TFDP2: variants seen among roughly 807,000 people sequenced by gnomAD.
TFDP2 encodes the protein transcription factor Dp-2.
Under a neutral mutation model 59.3 loss-of-function variants are expected in TFDP2, and 17 were observed. The observed-to-expected ratio is 0.29, with a 90% CI of 0.20 to 0.43. The LOEUF (loss-of-function observed/expected upper bound fraction) is 0.43. TFDP2 is among the 20% of genes least tolerant of loss of function. The pLI, the probability that TFDP2 is intolerant of heterozygous loss-of-function variation, is 1.00. For missense variants in TFDP2, 391 were observed against 528.8 expected, an observed-to-expected ratio of 0.74 and a Z score of 2.56; for synonymous variants, 180 against 194.7, an observed-to-expected ratio of 0.92 and a Z score of 0.63.
rs1486686235 is a variant in TFDP2, at chr3:142,093,068, T to C, written c.75A>G (p.Pro25=). 4 of 1,535,208 alleles carry C rather than the reference T, an allele frequency of 2.6e-6. No homozygotes were observed. The highest frequency in any genetic ancestry group is 3.9e-5 in the Admixed American group (2 of 50,852). Residue 25 remains proline, a synonymous_variant, in exon 3 of 13, where the codon CCA becomes CCG. Transcript: ENST00000489671. ...TTATTCAATAATCCTTACCTTTTGT[T>C]GGACTGAGATTCTGATCTATAAATC... ...VRGFIDQNLS[P]TKGNISFVAF...
chr3:142,098,076 C>A (rs930429575), intron 2 of TFDP2, among the ~76,000 whole-genome samples: 11 of 152,118 alleles, frequency 7.2e-5, no homozygotes, highest in Non-Finnish European at 1.6e-4. Flanking sequence ...CAGGCGTGAG[C>A]CATCGCGCTG....
At chr3:142,099,699 C>CAAA (rs766026708) in intron 2 of TFDP2, among the ~76,000 whole-genome samples, 3 of 124,660 alleles carry the variant, frequency 2.4e-5, no homozygotes, top group Non-Finnish European at 3.4e-5. Flanking sequence ...GACTCCATTT[C>CAAA]AAAAAAAAAA....
intron 3 of TFDP2, among the ~76,000 whole-genome samples, chr3:142,090,412 T>G (rs1177632509): frequency 6.6e-6 from 1 of 152,238 alleles, no homozygotes; most frequent in Non-Finnish European, 1.5e-5. Context: ...TAAACTTTAC[T>G]GGTGTTAACA....
At chr3:141,992,317 G>C (rs897841371) in intron 6 of TFDP2, among the ~76,000 whole-genome samples, 2 of 151,958 alleles carry the variant, frequency 1.3e-5, no homozygotes, top group African/African-American at 4.8e-5. Context: ...TGTAGAAAGA[G>C]AAAGTTGAAC....
chr3:141,974,247 A>G, intron 7 of TFDP2, 56 bp from the exon 8 acceptor site: 6 of 1,410,056 alleles, frequency 4.3e-6, no homozygotes, highest in Non-Finnish European at 4.7e-6. Flanking sequence ...ATACAGTCAC[A>G]TGATATGAAT....
In TFDP2 at chr3:142,110,835, C is replaced by G. The variant is rs146607935; in HGVS notation, c.-92-8994G>C. Among the ~76,000 whole-genome samples the G allele has an allele frequency of 8.8e-4, 134 of 152,060 alleles. 1 individual carries two copies. Among genetic ancestry groups the G allele is most frequent in the African/African-American group, 3.1e-3 (130 of 41,490 alleles). On this transcript the variant is annotated intron_variant, in intron 1 of 12. Coordinates refer to ENST00000489671, the MANE Select transcript of TFDP2 (RefSeq NM_001178139.2). ...AGGCATGGTGGCACACACCTGTGGT[C>G]CCAGCTAATCTGGAGGCTGAGGCAG...
chr3:141,962,223 C>A (rs1348680565), intron 10 of TFDP2, among the ~76,000 whole-genome samples: 5 of 151,814 alleles, frequency 3.3e-5, no homozygotes, highest in African/African-American at 1.2e-4. Flanking sequence ...GGATTACAGG[C>A]ATGAGCCAAC....
intron 3 of TFDP2, among the ~76,000 whole-genome samples, chr3:142,058,779 C>G (rs73232654): frequency 0.084 from 12,825 of 152,138 alleles, 681 homozygotes; most frequent in Middle Eastern, 0.14. Context: ...TCCACCAACC[C>G]AGAAGCTCTC....
chr3:142,119,638 A>G (rs1462730497), intron 1 of TFDP2, among the ~76,000 whole-genome samples: 1 of 152,192 alleles, frequency 6.6e-6, no homozygotes. Context: ...GCTACTTGGG[A>G]GGCTGAGATG....
chr3:141,952,450 CAA>C lies in TFDP2; in HGVS notation c.*61_*62del. The stretch of plus-strand genomic sequence containing the variant: ...AAGACTGAAGCAATCATTTCAAAAA[CAA>C]GAGCTCACACTACAAACACACATGA... On this transcript the variant is annotated 3_prime_UTR_variant, in exon 13 of 13. Transcript: ENST00000489671. 1 of 1,430,384 alleles carries C rather than the reference CAA, an allele frequency of 7.0e-7. No individual in the cohort carries two copies. Among genetic ancestry groups the C allele is most frequent in the Non-Finnish European group, 9.2e-7 (1 of 1,084,460 alleles). The allele number at this position is 1,430,384 out of a possible 1,614,324, so 88.6% of individuals were successfully genotyped here. A position where few individuals can be genotyped will look rare whatever the true frequency, so the allele number is the denominator to read the frequency against.
chr3:142,136,188 G>A (rs2062730134), intron 1 of TFDP2, among the ~76,000 whole-genome samples: 1 of 152,102 alleles, frequency 6.6e-6, no homozygotes, highest in Non-Finnish European at 1.5e-5. Flanking sequence ...TCTGCTGGCT[G>A]CATAGATGTC....
chr3:141,971,113 C>T (rs1340499961), intron 8 of TFDP2, among the ~76,000 whole-genome samples: 1 of 151,412 alleles, frequency 6.6e-6, no homozygotes, highest in African/African-American at 2.4e-5. Flanking sequence ...CAGCTTCAAA[C>T]TACTGCTTTT....
intron 3 of TFDP2, among the ~76,000 whole-genome samples, chr3:142,091,683 G>A (rs9714094): frequency 6.6e-6 from 1 of 152,186 alleles, no homozygotes; most frequent in Non-Finnish European, 1.5e-5. Flanking sequence ...CAGTTTCGTG[G>A]AAGACAATTT....
chr3:142,025,967 A>C (rs1167879414), intron 3 of TFDP2, among the ~76,000 whole-genome samples: 1 of 152,204 alleles, frequency 6.6e-6, no homozygotes, highest in African/African-American at 2.4e-5. Context: ...TCCATCTCAA[A>C]AAACAAACAA....
At chr3:142,002,315 GTGT>G (rs1553772329) in intron 4 of TFDP2, among the ~76,000 whole-genome samples, 1 of 108,316 alleles carries the variant, frequency 9.2e-6, no homozygotes, top group Non-Finnish European at 1.9e-5. Flanking sequence ...TTTATTTTTA[GTGT>G]TTTTTTTTTT....
Position 141,986,315 on chromosome 3 carries a change from C to T in TFDP2, c.356+7223G>A, listed in dbSNP as rs189450998. 1.6e-3 allele frequency among the ~76,000 whole-genome samples: 241 copies of T among 152,270 alleles called. 1 individual carries two copies. The highest frequency in any genetic ancestry group is 5.4e-3 in the African/African-American group (226 of 41,550). On this transcript the variant is annotated intron_variant, in intron 6 of 12. Coordinates refer to ENST00000489671, the MANE Select transcript of TFDP2 (RefSeq NM_001178139.2). ...CGTACATAACACATAAAGAAAAGTA[C>T]GCAAACCAACTGTGTTAAGTGTCTC...
In TFDP2 at chr3:142,137,921, A is replaced by G. The variant is rs1560184499; in HGVS notation, c.-93+11262T>C. ...GTTAGGGAGGATTCCTTCCTTTTCT[A>G]TTGATTAGAATAGTTTCAGAAGGAA... On this transcript the variant is annotated intron_variant, in intron 1 of 12. Coordinates refer to ENST00000489671, the MANE Select transcript of TFDP2 (RefSeq NM_001178139.2). 2.0e-5 allele frequency among the ~76,000 whole-genome samples: 3 copies of G among 152,062 alleles called. No homozygotes were observed. In the South Asian group the frequency reaches 6.2e-4, roughly 31 times the overall value.
At chr3:142,007,749 AGT>A (rs1320580899) in intron 3 of TFDP2, among the ~76,000 whole-genome samples, 1 of 152,150 alleles carries the variant, frequency 6.6e-6, no homozygotes, top group Non-Finnish European at 1.5e-5. Context: ...TCTCATAAGG[AGT>A]GTGCAACCTA....
rs34003718 is a variant in TFDP2 at position 142,073,457 on chromosome 3, ACCCC to A, written c.82+19600_82+19603del. Among the ~76,000 whole-genome samples the A allele has an allele frequency of 4.3e-4, 6 of 14,066 alleles. 1 individual carries two copies. Among genetic ancestry groups the A allele is most frequent in the African/African-American group, 9.4e-4 (5 of 5,334 alleles). The allele number at this position is 14,066 out of a possible 152,430, so 9.2% of individuals were successfully genotyped here. ...TTAAATGCTTAAAAACAAACAAACA[ACCCC>A]CCCCCCCCCGCAAAAAAAAAAAATA... On this transcript the variant is annotated intron_variant, in intron 3 of 12. Coordinates refer to ENST00000489671, the MANE Select transcript of TFDP2 (RefSeq NM_001178139.2).
Sources: gnomAD v4.1 joint callset for allele counts (sites outside exome capture counted in the v4.1 genomes callset) on GRCh38, gnomAD v4.1.1 for gene constraint, MANE v1.5 for transcripts, NCBI Gene and HGNC (gene_info 2026-07-23, HGNC 2026-07-21) for gene names.